DGKB: variants seen among roughly 807,000 people sequenced by gnomAD.
DGKB encodes the protein diacylglycerol kinase beta, also known as 90 kDa diacylglycerol kinase.
DGKB carries 67 observed loss-of-function variants against 114.3 expected under a neutral mutation model. The ratio of observed to expected loss-of-function variants is 0.59; its 90% CI spans 0.48 to 0.72. DGKB has a LOEUF of 0.72. DGKB is among the 30% of genes least tolerant of loss of function. The pLI is 0.00. For missense variants in DGKB, 907 were observed against 975.2 expected (o/e 0.93, Z 0.93); for synonymous variants, 398 against 323.1 (o/e 1.23, Z -2.49).
intron 21 of DGKB, among the ~76,000 whole-genome samples, chr7:14,402,740 C>T (rs1417824655): frequency 6.6e-6 from 1 of 151,826 alleles, no homozygotes; most frequent in Admixed American, 6.6e-5. Flanking sequence ...CTAGATGTTG[C>T]TGTGAAGATG....
chr7:14,521,169 G>A (rs1789706917), intron 20 of DGKB, among the ~76,000 whole-genome samples: 1 of 151,948 alleles, frequency 6.6e-6, no homozygotes, highest in South Asian at 2.1e-4. Context: ...AACAACATTT[G>A]CCAAATGCAC....
chr7:14,838,317 C>T (rs570324695), intron 2 of DGKB, among the ~76,000 whole-genome samples: 95 of 152,174 alleles, frequency 6.2e-4, no homozygotes, highest in African/African-American at 2.3e-3. Flanking sequence ...ATGAATAAAA[C>T]ATTAGCTATC....
intron 23 of DGKB, among the ~76,000 whole-genome samples, chr7:14,295,755 T>C (rs1188183679): frequency 7.9e-5 from 12 of 152,120 alleles, no homozygotes; most frequent in Admixed American, 7.9e-4. Flanking sequence ...GTGCAGAACA[T>C]GCAGGTTTGC....
chr7:14,700,519 A>T (rs1824979412), intron 7 of DGKB, among the ~76,000 whole-genome samples: 1 of 152,176 alleles, frequency 6.6e-6, no homozygotes. Context: ...CCCAGCCAGC[A>T]TTTGAAAAAT....
At chr7:14,521,983 C>T (rs1382700259) in intron 20 of DGKB, among the ~76,000 whole-genome samples, 3 of 152,064 alleles carry the variant, frequency 2.0e-5, no homozygotes, top group Admixed American at 6.6e-5. Flanking sequence ...CTGTGTATGA[C>T]CTGCAATGCA....
At chr7:14,387,101 T>TTTA (rs760613540) in intron 21 of DGKB, among the ~76,000 whole-genome samples, 7 of 133,512 alleles carry the variant, frequency 5.2e-5, no homozygotes, top group Non-Finnish European at 7.7e-5. Context: ...CTTTTGATTA[T>TTTA]TTATTTATTT....
intron 1 of DGKB, among the ~76,000 whole-genome samples, chr7:14,913,114 T>G (rs1469845093): frequency 2.6e-5 from 4 of 152,090 alleles, no homozygotes. Context: ...GTTCCAGCAT[T>G]GTGGATCAGT....
At chr7:14,928,926 T>G (rs1180025060) in intron 1 of DGKB, among the ~76,000 whole-genome samples, 4 of 151,944 alleles carry the variant, frequency 2.6e-5, no homozygotes, top group African/African-American at 9.7e-5. Flanking sequence ...GAACATGCAA[T>G]ATTTATCTTT....
chr7:14,485,300 GGTGTGTGTGTGT>G (rs60976022), intron 20 of DGKB, among the ~76,000 whole-genome samples: 4 of 141,994 alleles, frequency 2.8e-5, no homozygotes, highest in Admixed American at 1.4e-4. Flanking sequence ...ATGCTCATGA[GGTGTGTGTGTGT>G]GTGTGTGTGT....
chr7:14,239,060 G>C (rs1793253639), intron 23 of DGKB, among the ~76,000 whole-genome samples: 1 of 151,872 alleles, frequency 6.6e-6, no homozygotes, highest in South Asian at 2.1e-4. Context: ...TTTGCTGTTT[G>C]TTTCCTCTCA....
At chr7:14,334,783 G>C (rs76600717) in intron 23 of DGKB, among the ~76,000 whole-genome samples, 2,702 of 152,168 alleles carry the variant, frequency 0.018, 72 homozygotes, top group African/African-American at 0.061. Flanking sequence ...GTTTAATTCA[G>C]AAGAGGGGGA....
chr7:14,689,205 T>TTTTTTTTTTTTTTTTC (rs1822316216), intron 9 of DGKB, among the ~76,000 whole-genome samples: 1 of 121,138 alleles, frequency 8.3e-6, no homozygotes, highest in Admixed American at 8.2e-5. Flanking sequence ...TCTTATTTTT[T>TTTTTTTTTTTTTTTTC]TTTTTTTTTT....
rs551992080 is a variant in DGKB at position 14,823,902 on chromosome 7, G to A, written c.70+17292C>T. On this transcript the variant is annotated intron_variant, in intron 2 of 25. Coordinates refer to ENST00000402815, the MANE Select transcript of DGKB (RefSeq NM_001350709.2). Reference sequence around the variant, plus strand: ...GCTCTATGTATTCATCTGTTCTCACGGTGCTAATAAAAACATACCTGAGAC... The same window carrying A: ...GCTCTATGTATTCATCTGTTCTCACAGTGCTAATAAAAACATACCTGAGAC... Among the ~76,000 whole-genome samples the A allele has an allele frequency of 3.9e-5, 6 of 152,042 alleles. No homozygotes were observed. In the South Asian group the frequency reaches 6.2e-4, roughly 16 times the overall value.
rs536782507 is a variant in DGKB at position 14,318,831 on chromosome 7, T to G, written c.2122+19684A>C. 1.7e-3 allele frequency among the ~76,000 whole-genome samples: 261 copies of G among 152,288 alleles called. 3 individuals carry two copies. In the South Asian group the frequency reaches 0.031, roughly 18 times the overall value. Reference sequence around the variant, plus strand: ...TAAATCATGCTGCTAATAAAGCACATGCACACGTATGTTTATTGCGGCATT... The same window carrying G: ...TAAATCATGCTGCTAATAAAGCACAGGCACACGTATGTTTATTGCGGCATT... On this transcript the variant is annotated intron_variant, in intron 23 of 25. Transcript: ENST00000402815.
At chr7:14,970,858 G>A (rs1431796129) in intron 1 of DGKB, among the ~76,000 whole-genome samples, 1 of 152,086 alleles carries the variant, frequency 6.6e-6, no homozygotes, top group Admixed American at 6.6e-5. Flanking sequence ...TTTCTGAACG[G>A]CAGGCTGGAG....
chr7:14,387,936 G>C (rs1035496729), intron 21 of DGKB, among the ~76,000 whole-genome samples: 2 of 145,056 alleles, frequency 1.4e-5, no homozygotes, highest in African/African-American at 5.1e-5. Flanking sequence ...CTAGAGTACA[G>C]TGGTGCCATC....
chr7:14,682,375 G>C (rs910217088), intron 12 of DGKB, among the ~76,000 whole-genome samples, 178 bp downstream of exon 12: 3 of 152,002 alleles, frequency 2.0e-5, no homozygotes, highest in Non-Finnish European at 4.4e-5. Context: ...GGACTCTATG[G>C]GGACAAATCT....
At chr7:14,276,836 A>G (rs900092844) in intron 23 of DGKB, among the ~76,000 whole-genome samples, 2 of 151,900 alleles carry the variant, frequency 1.3e-5, no homozygotes, top group African/African-American at 4.8e-5. Context: ...TAAAATTATT[A>G]TTATTGCTTT....
At chr7:14,192,499 A>G (rs959421129) in intron 23 of DGKB, among the ~76,000 whole-genome samples, 28 of 152,290 alleles carry the variant, frequency 1.8e-4, no homozygotes, top group Middle Eastern at 3.4e-3. Context: ...ATATTCATGA[A>G]TTGGAAGAAT....
Sources: allele counts gnomAD v4.1 joint callset (sites outside exome capture counted in the v4.1 genomes callset), GRCh38; gene constraint gnomAD v4.1.1; transcripts MANE v1.5; gene names NCBI Gene and HGNC (gene_info 2026-07-23, HGNC 2026-07-21).